The following TXLNG variants were observed in gnomAD, a reference collection of about 807,000 sequenced individuals.
TXLNG encodes taxilin gamma.
In TXLNG, 5 loss-of-function variants were observed where a neutral mutation model predicts 38.8. That is an observed-to-expected ratio of 0.13 (90% confidence interval 0.07 to 0.27). TXLNG has a LOEUF of 0.27. TXLNG is among the 10% of genes least tolerant of loss of function. The probability of loss-of-function intolerance (pLI) is 1.00; values close to 1 mark genes in which losing one functional copy is unlikely to be tolerated. For missense variants in TXLNG, 393 were observed against 398.2 expected, an observed-to-expected ratio of 0.99 and a Z score of 0.11; for synonymous variants, 182 against 158.2, an observed-to-expected ratio of 1.15 and a Z score of -1.13.
At chrX:16,807,139 A>G (rs1176165989) in intron 1 of TXLNG, among the ~76,000 whole-genome samples, 2 of 110,928 alleles carry the variant, frequency 1.8e-5, no homozygotes, top group Admixed American at 9.7e-5. Context: ...ACTAACTCCA[A>G]TTCCTTAAAT....
rs1159808697 is a variant in TXLNG, at chrX:16,818,692, C to T, written c.221C>T (p.Thr74Ile). The T allele has an allele frequency of 8.3e-7, 1 of 1,211,731 alleles. No homozygotes were observed. Among genetic ancestry groups the T allele is most frequent in the Non-Finnish European group, 1.1e-6 (1 of 895,562 alleles). ...LQHQGSNCGG[T>I]SNKHSLEEDE... Reference sequence around the variant, plus strand: ...CATCAAGGCTCAAATTGTGGTGGCACAAGTAACAAGCATTCATTGGAAGAG... The same window carrying T: ...CATCAAGGCTCAAATTGTGGTGGCATAAGTAACAAGCATTCATTGGAAGAG... The change falls in exon 2 of 10, where the codon ACA (threonine) becomes ATA (isoleucine). Residue 74 changes from threonine to isoleucine, a missense_variant. By Grantham distance (89) the Thr-to-Ile change is moderately conservative. Transcript: ENST00000380122.
chrX:16,798,170 T>C (rs1771770197), intron 1 of TXLNG, among the ~76,000 whole-genome samples: 1 of 112,357 alleles, frequency 8.9e-6, no homozygotes, highest in Non-Finnish European at 1.9e-5. Flanking sequence ...ATTTCGAAAA[T>C]ATTGGTTAAC....
At chrX:16,797,281 CAAA>C (rs199860750) in intron 1 of TXLNG, among the ~76,000 whole-genome samples, 5 of 85,485 alleles carry the variant, frequency 5.8e-5, no homozygotes, top group Non-Finnish European at 9.1e-5. Flanking sequence ...AAGACTGTCT[CAAA>C]AAAAAAAAAA....
At chrX:16,803,881 G>A (rs1928213575) in intron 1 of TXLNG, among the ~76,000 whole-genome samples, 1 of 109,864 alleles carries the variant, frequency 9.1e-6, no homozygotes, top group Non-Finnish European at 1.9e-5. Context: ...GAACCCGGGA[G>A]GCGGAGGTTG....
chrX:16,796,911 T>C (rs1205173489), intron 1 of TXLNG, among the ~76,000 whole-genome samples: 3 of 111,483 alleles, frequency 2.7e-5, no homozygotes, highest in Admixed American at 9.6e-5. Flanking sequence ...CCCAAGGAGC[T>C]TTTGTTCTTG....
rs1179377691 is a variant in TXLNG, at chrX:16,821,130, TTCTTTCTTTC to T, written c.498+877_498+886del. ...AATTCTCTTTTTGGAGTTTCTTTCTTTCTTTCTTTCTTTTTTTTTTTTTTTTTTGAGACGG... is the reference window on the plus strand; with the variant it reads ...AATTCTCTTTTTGGAGTTTCTTTCTTTTTTTTTTTTTTTTTTTTGAGACGG... On this transcript the variant is annotated intron_variant, in intron 3 of 9. Coordinates refer to ENST00000380122, the MANE Select transcript of TXLNG (RefSeq NM_018360.3). 8.4e-5 allele frequency among the ~76,000 whole-genome samples: 6 copies of T among 71,829 alleles called. No individual in the cohort carries two copies. The East Asian group carries it at 3.6e-3, about 44-fold the overall frequency. 62.4% of individuals were successfully genotyped at this position (71,829 alleles called of 115,157 possible).
At chrX:16,819,399 T>C (rs1928858376) in intron 2 of TXLNG, among the ~76,000 whole-genome samples, 1 of 111,343 alleles carries the variant, frequency 9.0e-6, no homozygotes, top group Non-Finnish European at 1.9e-5. Flanking sequence ...CCCATAGCAG[T>C]CTGTATGTCA....
chrX:16,829,934 C>G (rs1338223419), intron 5 of TXLNG, among the ~76,000 whole-genome samples, 164 bp downstream of exon 5: 1 of 110,791 alleles, frequency 9.0e-6, no homozygotes, highest in Non-Finnish European at 1.9e-5. Flanking sequence ...ATGAGATCAT[C>G]ACTTGATGTC....
intron 8 of TXLNG, among the ~76,000 whole-genome samples, chrX:16,838,812 C>A (rs1929694045): frequency 8.9e-6 from 1 of 111,950 alleles, no homozygotes. Flanking sequence ...CCTGGATCTG[C>A]CATCCTTCTG....
Position 16,810,408 on chromosome X carries a change from A to G in TXLNG, c.103-8166A>G, listed in dbSNP as rs372530241. 2.8e-4 allele frequency among the ~76,000 whole-genome samples: 31 copies of G among 112,049 alleles called. No individual in the cohort carries two copies. The East Asian group carries it at 2.8e-3, about 10-fold the overall frequency. On this transcript the variant is annotated intron_variant, in intron 1 of 9. Coordinates refer to ENST00000380122, the MANE Select transcript of TXLNG (RefSeq NM_018360.3). ...GGCCTAAGAATTTGCTTAATATTCA[A>G]TAGCCCAGGTACAGAGCCTCAAGTA...
At chrX:16,797,736 A>G (rs1927942095) in intron 1 of TXLNG, among the ~76,000 whole-genome samples, 1 of 112,468 alleles carries the variant, frequency 8.9e-6, no homozygotes, top group African/African-American at 3.2e-5. Flanking sequence ...CTTTTGATAA[A>G]TTCTCTCTTC....
intron 1 of TXLNG, among the ~76,000 whole-genome samples, chrX:16,816,472 G>A (rs1372763088): frequency 1.8e-5 from 2 of 112,639 alleles, no homozygotes; most frequent in Admixed American, 9.4e-5. Context: ...CCCACGATGC[G>A]TGCCATTGTG....
intron 3 of TXLNG, among the ~76,000 whole-genome samples, chrX:16,821,138 T>C (rs7890046): frequency 2.1e-3 from 101 of 48,456 alleles, no homozygotes; most frequent in African/African-American, 9.0e-3. Flanking sequence ...CTTTCTTTCT[T>C]TCTTTTTTTT....
chrX:16,807,752 C>A (rs6527730), intron 1 of TXLNG, among the ~76,000 whole-genome samples: 55,821 of 110,141 alleles, frequency 0.51, 10,663 homozygotes, highest in Middle Eastern at 0.61. Flanking sequence ...CACTCTAGCT[C>A]TTGCTGGCAA....
chrX:16,841,054 G>A lies in TXLNG; in HGVS notation c.1249-374G>A, dbSNP rs575492853. Among the ~76,000 whole-genome samples the A allele has an allele frequency of 1.7e-4, 19 of 110,086 alleles. No homozygotes were observed. In the South Asian group the frequency reaches 7.5e-3, roughly 43 times the overall value. On this transcript the variant is annotated intron_variant, in intron 9 of 9. Transcript: ENST00000380122. Reference sequence around the variant, plus strand: ...TACTAAAAATACAAAAATTAGCTGGGCGTGGTGGGGCGCGCCTGTAGTCCC... The same window carrying A: ...TACTAAAAATACAAAAATTAGCTGGACGTGGTGGGGCGCGCCTGTAGTCCC...
At chrX:16,798,889 T>A (rs981889263) in intron 1 of TXLNG, among the ~76,000 whole-genome samples, 1 of 110,454 alleles carries the variant, frequency 9.1e-6, no homozygotes, top group African/African-American at 3.3e-5. Flanking sequence ...GCATTTCCTT[T>A]TTTTTTTTTG....
chrX:16,802,338 C>T (rs1928135535), intron 1 of TXLNG, among the ~76,000 whole-genome samples: 1 of 105,081 alleles, frequency 9.5e-6, no homozygotes, highest in East Asian at 3.0e-4. Context: ...GCAGCCTCTG[C>T]CGCCCAGGTT....
intron 5 of TXLNG, among the ~76,000 whole-genome samples, chrX:16,830,986 G>A: frequency 9.2e-6 from 1 of 109,114 alleles, no homozygotes; most frequent in Non-Finnish European, 1.9e-5. Flanking sequence ...GATTGTAGAT[G>A]TGAGCCACTG....
chrX:16,836,361 A>G, intron 7 of TXLNG, among the ~76,000 whole-genome samples: 1 of 112,325 alleles, frequency 8.9e-6, no homozygotes, highest in Non-Finnish European at 1.9e-5. Flanking sequence ...CAGGCCTGTC[A>G]TGTCAGAGGC....
Sources: gnomAD v4.1 joint callset for allele counts (sites outside exome capture counted in the v4.1 genomes callset) on GRCh38, gnomAD v4.1.1 for gene constraint, MANE v1.5 for transcripts, NCBI Gene and HGNC (gene_info 2026-07-23, HGNC 2026-07-21) for gene names.